The following CADPS2 variants were observed in gnomAD, a reference collection of about 807,000 sequenced individuals.
CADPS2 encodes calcium-dependent secretion activator 2.
A neutral mutation model predicts 172.5 loss-of-function variants in CADPS2; 93 were observed. That is an observed-to-expected ratio of 0.54 (90% CI 0.46 to 0.64). CADPS2 has a LOEUF of 0.64. Ranked by LOEUF, CADPS2 falls within the 30% of genes least tolerant of loss-of-function variation. CADPS2 has a pLI of 0.00. For missense variants in CADPS2, 1,420 were observed against 1,565.9 expected, an observed-to-expected ratio of 0.91 and a Z score of 1.57; for synonymous variants, 546 against 555.2, an observed-to-expected ratio of 0.98 and a Z score of 0.23.
chr7:122,702,085 G>A, intron 2 of CADPS2: 2 of 1,613,448 alleles, frequency 1.2e-6, no homozygotes, highest in Non-Finnish European at 1.7e-6. Flanking sequence ...TTCGCCTCCT[G>A]GTGAAAGAAT....
intron 1 of CADPS2, among the ~76,000 whole-genome samples, chr7:122,812,421 AAGAGAG>A (rs1215740976): frequency 1.1e-4 from 16 of 145,594 alleles, no homozygotes; most frequent in African/African-American, 3.8e-4. Context: ...AAAAAAAAAA[AAGAGAG>A]AGAGAGAGAG....
At chr7:122,720,929 CTA>C (rs1047087663) in intron 2 of CADPS2, among the ~76,000 whole-genome samples, 32 of 151,930 alleles carry the variant, frequency 2.1e-4, no homozygotes, top group African/African-American at 7.5e-4. Flanking sequence ...AACAAAAAAG[CTA>C]TCATTTGAAA....
At chr7:122,719,601 C>G (rs1256477584) in intron 2 of CADPS2, among the ~76,000 whole-genome samples, 1 of 152,142 alleles carries the variant, frequency 6.6e-6, no homozygotes, top group Non-Finnish European at 1.5e-5. Flanking sequence ...TTCTTCACAT[C>G]CATCTACAAT....
At chr7:122,470,148 TAA>T (rs760106719) in intron 14 of CADPS2, among the ~76,000 whole-genome samples, 1 of 152,148 alleles carries the variant, frequency 6.6e-6, no homozygotes, top group East Asian at 1.9e-4. Flanking sequence ...AAGAGTGTGG[TAA>T]AAGTTATTCT....
intron 12 of CADPS2, among the ~76,000 whole-genome samples, chr7:122,475,158 C>T (rs754936211): frequency 5.9e-5 from 9 of 152,188 alleles, no homozygotes; most frequent in African/African-American, 7.2e-5. Context: ...CATCTTTCAA[C>T]GCCTGTAGAC....
chr7:122,613,045 T>C (rs187311503), intron 6 of CADPS2, among the ~76,000 whole-genome samples: 2 of 152,162 alleles, frequency 1.3e-5, no homozygotes, highest in East Asian at 1.9e-4. Flanking sequence ...AAAATCAACC[T>C]AAAATGGATC....
At chr7:122,820,542 G>GTTT (rs1286462243) in intron 1 of CADPS2, among the ~76,000 whole-genome samples, 18 of 117,798 alleles carry the variant, frequency 1.5e-4, no homozygotes, top group Middle Eastern at 4.4e-3. Context: ...TGACCTTACT[G>GTTT]TTTTTTGTTT....
intron 7 of CADPS2, among the ~76,000 whole-genome samples, chr7:122,580,325 T>C (rs906694347): frequency 1.3e-5 from 2 of 151,800 alleles, no homozygotes; most frequent in Non-Finnish European, 2.9e-5. Context: ...CAAGGTGGTA[T>C]GTGCCTGTGG....
chr7:122,554,689 C>T lies in CADPS2; in HGVS notation c.1336G>A (p.Val446Met), dbSNP rs903377538. The T allele has an allele frequency of 1.3e-6, 2 of 1,585,402 alleles. No individual in the cohort carries two copies. Among genetic ancestry groups the T allele is most frequent in the Non-Finnish European group, 8.6e-7 (1 of 1,166,388 alleles). The stretch of plus-strand genomic sequence containing the variant: ...CTATTAGAAGTTGGGTATAATATCA[C>T]CTGTATGGAAAAAAAAACCCACATT... The part of the protein sequence containing the change: ...LALEDKELGR[V>M]ILYPTSNSSK... Residue 446 changes from valine (V) to methionine (M), a missense_variant and splice_region_variant, in exon 8 of 30, where the codon GTG (valine) becomes ATG (methionine). By Grantham distance (21) the Val-to-Met change is conservative (BLOSUM62 1). Coordinates refer to ENST00000449022, the MANE Select transcript of CADPS2 (RefSeq NM_017954.11).
chr7:122,451,472 A>C lies in CADPS2; in HGVS notation c.2190T>G (p.Pro730=), dbSNP rs1026818649. 4 of 1,548,820 alleles carry C rather than the reference A, an allele frequency of 2.6e-6. No homozygotes were observed. The highest frequency in any genetic ancestry group is 1.2e-5 in the South Asian group (1 of 80,072). Reference sequence around the variant, plus strand: ...CCACTGAAACAGTCCCAATTCCATCAGGCCTGAAAAAAAAATCAGAATCAA... The same window carrying C: ...CCACTGAAACAGTCCCAATTCCATCCGGCCTGAAAAAAAAATCAGAATCAA... ...FCASHVHGNR[P]DGIGTVSVEE... Residue 730 remains proline (P), a synonymous_variant, in exon 15 of 30, where the codon CCT becomes CCG. Coordinates refer to ENST00000449022, the MANE Select transcript of CADPS2 (RefSeq NM_017954.11).
chr7:122,580,452 C>CAA (rs34849650), intron 7 of CADPS2, among the ~76,000 whole-genome samples: 11,644 of 133,206 alleles, frequency 0.087, 555 homozygotes, highest in African/African-American at 0.1. Flanking sequence ...GATTCTGTCT[C>CAA]AAAAAAAAAA....
intron 2 of CADPS2, among the ~76,000 whole-genome samples, chr7:122,664,695 A>C (rs2080991746): frequency 6.6e-6 from 1 of 151,974 alleles, no homozygotes; most frequent in African/African-American, 2.4e-5. Flanking sequence ...ATGTCAAAAG[A>C]CTCTCCCAGA....
chr7:122,658,171 A>T (rs1012483518), intron 3 of CADPS2, among the ~76,000 whole-genome samples: 83 of 152,200 alleles, frequency 5.5e-4, no homozygotes, highest in Non-Finnish European at 8.8e-4. Context: ...AGAGAAATGC[A>T]AATCAAAACC....
intron 29 of CADPS2, among the ~76,000 whole-genome samples, chr7:122,324,937 T>G (rs946263723): frequency 6.6e-6 from 1 of 152,172 alleles, no homozygotes; most frequent in African/African-American, 2.4e-5. Flanking sequence ...GCCGAACTTA[T>G]GTGATGTCTA....
chr7:122,875,917 T>C (rs1330562986), intron 1 of CADPS2, among the ~76,000 whole-genome samples: 1 of 152,120 alleles, frequency 6.6e-6, no homozygotes, highest in Non-Finnish European at 1.5e-5. Flanking sequence ...CTTGGTCCTC[T>C]TTAAAAGCAA....
chr7:122,668,821 T>C (rs554153039), intron 2 of CADPS2, among the ~76,000 whole-genome samples: 2 of 152,206 alleles, frequency 1.3e-5, no homozygotes, highest in Non-Finnish European at 1.5e-5. Context: ...TCTCATCTCC[T>C]GAGAGGAAGC....
intron 1 of CADPS2, among the ~76,000 whole-genome samples, chr7:122,745,644 A>G (rs2092691009): frequency 6.7e-6 from 1 of 149,810 alleles, no homozygotes; most frequent in Admixed American, 6.6e-5. Flanking sequence ...TTTGTTGTAG[A>G]TAAGGCCTAG....
intron 1 of CADPS2, among the ~76,000 whole-genome samples, chr7:122,813,063 A>G (rs766370297): frequency 1.3e-5 from 2 of 152,146 alleles, no homozygotes; most frequent in Non-Finnish European, 2.9e-5. Context: ...CTGAGGCCCT[A>G]TCACTTTCCA....
At chr7:122,838,713 A>G (rs892658066) in intron 1 of CADPS2, among the ~76,000 whole-genome samples, 1 of 152,194 alleles carries the variant, frequency 6.6e-6, no homozygotes, top group Non-Finnish European at 1.5e-5. Context: ...TAGGAATCCA[A>G]CTTACAAGGG....
Sources: allele counts gnomAD v4.1 joint callset (sites outside exome capture counted in the v4.1 genomes callset), GRCh38; gene constraint gnomAD v4.1.1; transcripts MANE v1.5; gene names NCBI Gene and HGNC (gene_info 2026-07-23, HGNC 2026-07-21).